SEMA5A: variants seen among roughly 807,000 people sequenced by gnomAD.
SEMA5A encodes the protein semaphorin 5A.
In SEMA5A, 55 loss-of-function variants were observed where a neutral mutation model predicts 135.5. The ratio of observed to expected loss-of-function variants is 0.41; its 90% CI spans 0.33 to 0.51. The LOEUF (loss-of-function observed/expected upper bound fraction) is 0.51, where lower values mean the gene tolerates loss of function less well. Ranked by LOEUF, SEMA5A falls within the 20% of genes least tolerant of loss-of-function variation. SEMA5A has a pLI of 0.37. For synonymous variants in SEMA5A, 580 were observed against 546.5 expected (o/e 1.06, Z -0.85); for missense variants, 1,290 against 1,419.9 (o/e 0.91, Z 1.47).
intron 1 of SEMA5A, among the ~76,000 whole-genome samples, chr5:9,469,819 T>C (rs1759410095): frequency 6.6e-6 from 1 of 152,242 alleles, no homozygotes; most frequent in South Asian, 2.1e-4. Context: ...AAAAGCATTT[T>C]GTAAGAACCT....
At chr5:9,190,664 C>T (rs1304064434) in intron 10 of SEMA5A, among the ~76,000 whole-genome samples, 193 bp from the exon 11 acceptor site, 3 of 152,100 alleles carry the variant, frequency 2.0e-5, no homozygotes, top group Non-Finnish European at 2.9e-5. Flanking sequence ...TAGATTTGAA[C>T]TCATATCTTG....
intron 3 of SEMA5A, among the ~76,000 whole-genome samples, chr5:9,358,280 A>AT (rs1274204949): frequency 6.6e-6 from 1 of 151,986 alleles, no homozygotes; most frequent in Non-Finnish European, 1.5e-5. Flanking sequence ...CTTCAAACCC[A>AT]TTTTCAGTGC....
At chr5:9,374,099 A>G (rs1405955013) in intron 3 of SEMA5A, among the ~76,000 whole-genome samples, 1 of 152,192 alleles carries the variant, frequency 6.6e-6, no homozygotes, top group Non-Finnish European at 1.5e-5. Context: ...TGCATCTGTA[A>G]TGGGTCAGGG....
intron 1 of SEMA5A, among the ~76,000 whole-genome samples, chr5:9,503,420 ACTAT>A (rs1735696136): frequency 6.6e-6 from 1 of 152,098 alleles, no homozygotes; most frequent in African/African-American, 2.4e-5. Flanking sequence ...TGTCCTAGAG[ACTAT>A]CTATTTCCAT....
Position 9,039,904 on chromosome 5 carries a change from TC to T in SEMA5A, c.*2992del, listed in dbSNP as rs2150016224. 6.6e-6 allele frequency: 1 copy of T among 152,314 alleles called. No individual in the cohort carries two copies. Among genetic ancestry groups the T allele is most frequent in the African/African-American group, 2.4e-5 (1 of 41,560 alleles). The allele number at this position is 152,314 out of a possible 1,614,324, so 9.4% of individuals were successfully genotyped here. A position where few individuals can be genotyped will look rare whatever the true frequency, so the allele number is the denominator to read the frequency against. Reference sequence around the variant, plus strand: ...TGTAAACTGTCAGTGCACTGTAAAATCAATAGTAGATGGTGATGAGTCTGGC... The same window carrying T: ...TGTAAACTGTCAGTGCACTGTAAAATAATAGTAGATGGTGATGAGTCTGGC... On this transcript the variant is annotated 3_prime_UTR_variant, in exon 23 of 23. Transcript: ENST00000382496.
At chr5:9,449,979 G>A (rs1189294981) in intron 1 of SEMA5A, among the ~76,000 whole-genome samples, 1 of 152,162 alleles carries the variant, frequency 6.6e-6, no homozygotes, top group Non-Finnish European at 1.5e-5. Context: ...CTGTTCATAG[G>A]AGATTAGGTC....
At chr5:9,079,751 C>T (rs901693517) in intron 16 of SEMA5A, among the ~76,000 whole-genome samples, 25 of 152,140 alleles carry the variant, frequency 1.6e-4, no homozygotes, top group African/African-American at 5.6e-4. Context: ...TGAACAGATA[C>T]TTCTCAAAAG....
intron 1 of SEMA5A, among the ~76,000 whole-genome samples, chr5:9,464,875 A>G (rs1759196258): frequency 6.6e-6 from 1 of 152,266 alleles, no homozygotes; most frequent in African/African-American, 2.4e-5. Context: ...CAAGTCTCAC[A>G]GCGGTCTGCA....
chr5:9,189,017 T>C (rs1732533159), intron 11 of SEMA5A, among the ~76,000 whole-genome samples: 2 of 152,202 alleles, frequency 1.3e-5, no homozygotes, highest in Non-Finnish European at 2.9e-5. Context: ...GTCACATCTG[T>C]CCTTACCTTA....
At chr5:9,161,186 G>T (rs1400681755) in intron 11 of SEMA5A, among the ~76,000 whole-genome samples, 1 of 152,058 alleles carries the variant, frequency 6.6e-6, no homozygotes, top group East Asian at 1.9e-4. Context: ...GCAGAATGTG[G>T]CAGTAAGTAA....
At chr5:9,519,352 T>G (rs1736690938) in intron 1 of SEMA5A, among the ~76,000 whole-genome samples, 1 of 152,194 alleles carries the variant, frequency 6.6e-6, no homozygotes, top group African/African-American at 2.4e-5. Context: ...AAATCTTAAG[T>G]TTAATACTGT....
chr5:9,065,163 G>T (rs907503860), intron 17 of SEMA5A, among the ~76,000 whole-genome samples: 2 of 152,202 alleles, frequency 1.3e-5, no homozygotes, highest in African/African-American at 4.8e-5. Context: ...AGTGAGCAGT[G>T]GTGTGAGGAG....
chr5:9,045,418 T>TAAAC (rs1271856092), intron 21 of SEMA5A, among the ~76,000 whole-genome samples: 1 of 152,196 alleles, frequency 6.6e-6, no homozygotes, highest in Admixed American at 6.5e-5. Context: ...TCTATTCACA[T>TAAAC]AAACACATAC....
intron 16 of SEMA5A, among the ~76,000 whole-genome samples, chr5:9,100,454 G>T (rs1739564074): frequency 6.6e-6 from 1 of 152,044 alleles, no homozygotes; most frequent in Non-Finnish European, 1.5e-5. Flanking sequence ...GTGCAGCCTG[G>T]GTGCATCCTC....
intron 16 of SEMA5A, among the ~76,000 whole-genome samples, chr5:9,080,834 A>C (rs1738338970): frequency 6.6e-6 from 1 of 152,120 alleles, no homozygotes; most frequent in Non-Finnish European, 1.5e-5. Context: ...TCTGATAGGA[A>C]GCACCCACTC....
At chr5:9,096,926 T>C (rs1393408280) in intron 16 of SEMA5A, among the ~76,000 whole-genome samples, 1 of 152,088 alleles carries the variant, frequency 6.6e-6, no homozygotes, top group African/African-American at 2.4e-5. Context: ...AGGTACTCTC[T>C]ATGATGAAAA....
chr5:9,081,002 C>T (rs553417214), intron 16 of SEMA5A, among the ~76,000 whole-genome samples: 24 of 152,312 alleles, frequency 1.6e-4, no homozygotes, highest in Admixed American at 1.2e-3. Context: ...ACAACCTCCT[C>T]GTACCTTACT....
chr5:9,056,921 A>G (rs966429595), intron 18 of SEMA5A, among the ~76,000 whole-genome samples: 4 of 152,244 alleles, frequency 2.6e-5, no homozygotes, highest in Admixed American at 6.5e-5. Flanking sequence ...CGGTAGGTAC[A>G]TACAATGAAA....
Position 9,202,067 on chromosome 5 carries a change from C to T in SEMA5A, c.820G>A (p.Ala274Thr). 6.2e-7 allele frequency: 1 copy of T among 1,614,198 alleles called. No individual in the cohort carries two copies. Among genetic ancestry groups the T allele is most frequent in the Non-Finnish European group, 8.5e-7 (1 of 1,180,044 alleles). ...LEDTWTTFMKARLNCSRPGEV... is the reference protein window; with the variant it reads ...LEDTWTTFMKTRLNCSRPGEV... ...CCAGGACGGGAGCAGTTCAGGCGAG[C>T]CTTCATGAATGTGGTCCAGGTGTCT... The change falls in exon 9 of 23, where the codon GCT (alanine) becomes ACT (threonine). Residue 274 changes from alanine to threonine, a missense_variant. By Grantham distance (58) the Ala-to-Thr change is moderately conservative (BLOSUM62 0). Transcript: ENST00000382496.
Sources: allele counts gnomAD v4.1 joint callset (sites outside exome capture counted in the v4.1 genomes callset), GRCh38; gene constraint gnomAD v4.1.1; transcripts MANE v1.5; gene names NCBI Gene and HGNC (gene_info 2026-07-23, HGNC 2026-07-21).